The following COL24A1 variants were observed in gnomAD, a reference collection of about 807,000 sequenced individuals.
COL24A1 encodes the protein collagen type XXIV alpha 1 chain.
A neutral mutation model predicts 253.9 loss-of-function variants in COL24A1; 224 were observed. The ratio of observed to expected loss-of-function variants is 0.88; its 90% CI spans 0.79 to 0.99. The LOEUF (loss-of-function observed/expected upper bound fraction) is 0.99, where lower values mean the gene tolerates loss of function less well. COL24A1 is among the 50% of genes least tolerant of loss of function. The pLI, the probability that COL24A1 is intolerant of heterozygous loss-of-function variation, is 0.00. For synonymous variants in COL24A1, 685 were observed against 673.7 expected (o/e 1.02, Z -0.26); for missense variants, 2,131 against 2,068.5 (o/e 1.03, Z -0.59).
intron 34 of COL24A1, 38 bp downstream of exon 34, chr1:85,875,239 A>G: frequency 7.0e-6 from 11 of 1,582,524 alleles, no homozygotes; most frequent in Non-Finnish European, 9.5e-6. Flanking sequence ...TTCAATGGTG[A>G]AAGTTTAGAG....
chr1:86,043,452 T>A (rs1048470442), intron 12 of COL24A1, among the ~76,000 whole-genome samples: 1 of 151,868 alleles, frequency 6.6e-6, no homozygotes, highest in Non-Finnish European at 1.5e-5. Flanking sequence ...CTACTAATGA[T>A]AGTAAATGAA....
intron 7 of COL24A1, among the ~76,000 whole-genome samples, chr1:86,079,218 A>T (rs1353574253): frequency 6.6e-6 from 1 of 152,154 alleles, no homozygotes; most frequent in African/African-American, 2.4e-5. Flanking sequence ...GACACTCTTC[A>T]ATAAATTGTG....
intron 32 of COL24A1, 85 bp downstream of exon 32, chr1:85,889,475 A>G (rs1359122212): frequency 6.2e-6 from 7 of 1,134,764 alleles, no homozygotes; most frequent in Admixed American, 5.5e-5. Flanking sequence ...AAAACATACC[A>G]GTCACAGCAC....
At chr1:86,119,753 T>A (rs1252032578) in intron 3 of COL24A1, among the ~76,000 whole-genome samples, 1 of 152,182 alleles carries the variant, frequency 6.6e-6, no homozygotes, top group African/African-American at 2.4e-5. Context: ...GTTGCCTTTA[T>A]TTTAAAAATG....
At chr1:85,982,215 G>A (rs752291188) in intron 20 of COL24A1, among the ~76,000 whole-genome samples, 2 of 152,030 alleles carry the variant, frequency 1.3e-5, no homozygotes, top group Admixed American at 6.6e-5. Context: ...ATGTAAAGTA[G>A]CTAAACTCAT....
At chr1:86,081,612 G>C (rs1321832167) in intron 7 of COL24A1, among the ~76,000 whole-genome samples, 1 of 152,114 alleles carries the variant, frequency 6.6e-6, no homozygotes, top group Non-Finnish European at 1.5e-5. Context: ...CAACTTTACT[G>C]TCTGTACATG....
At chr1:85,904,422 C>T (rs983608168) in intron 28 of COL24A1, among the ~76,000 whole-genome samples, 2 of 152,068 alleles carry the variant, frequency 1.3e-5, no homozygotes, top group African/African-American at 2.4e-5. Context: ...TGATGTTGTG[C>T]TGATTTCTAG....
intron 24 of COL24A1, among the ~76,000 whole-genome samples, chr1:85,957,026 C>G (rs750528801): frequency 6.6e-6 from 1 of 152,130 alleles, no homozygotes. Context: ...CCACAGAATA[C>G]TATGCAGCCA....
intron 47 of COL24A1, among the ~76,000 whole-genome samples, chr1:85,813,750 A>C (rs1672804877): frequency 6.6e-6 from 1 of 150,742 alleles, no homozygotes; most frequent in Non-Finnish European, 1.5e-5. Context: ...ACGGGGTTTC[A>C]CCGTTTTAGC....
chr1:85,998,967 C>T (rs1695136490), intron 19 of COL24A1, among the ~76,000 whole-genome samples: 1 of 152,118 alleles, frequency 6.6e-6, no homozygotes. Flanking sequence ...GTGTCTTTTA[C>T]CAGAATCATT....
At chr1:85,906,965 T>A (rs758458462) in intron 28 of COL24A1, among the ~76,000 whole-genome samples, 1 of 151,866 alleles carries the variant, frequency 6.6e-6, no homozygotes, top group Non-Finnish European at 1.5e-5. Context: ...TATGAGTTAG[T>A]GATACATGTA....
rs180962443 is a variant in COL24A1 at position 86,061,849 on chromosome 1, C to T, written c.1752+1866G>A. Among the ~76,000 whole-genome samples, 781 of 152,144 alleles carry T rather than the reference C, an allele frequency of 5.1e-3. 3 individuals carry two copies. Among genetic ancestry groups the T allele is most frequent in the Non-Finnish European group, 9.2e-3 (624 of 67,916 alleles). ...TGGAGTAATAGAGATACAGTTATAT[C>T]AACAGCCCCTTGAGAAAACAGGAAC... is the stretch of plus-strand genomic sequence containing the variant. On this transcript the variant is annotated intron_variant, in intron 8 of 59. Coordinates refer to ENST00000370571, the MANE Select transcript of COL24A1 (RefSeq NM_152890.7).
intron 24 of COL24A1, among the ~76,000 whole-genome samples, chr1:85,926,738 G>A (rs552784188): frequency 2.6e-5 from 4 of 152,194 alleles, no homozygotes; most frequent in African/African-American, 9.6e-5. Flanking sequence ...AATGGGTGTA[G>A]CAAACCAACA....
chr1:86,011,203 T>C (rs952793894), intron 19 of COL24A1, among the ~76,000 whole-genome samples: 14 of 152,176 alleles, frequency 9.2e-5, no homozygotes, highest in Non-Finnish European at 2.1e-4. Context: ...ATATGAATTA[T>C]TTTTCTGCAC....
chr1:85,797,257 G>C (rs534624753), intron 47 of COL24A1, among the ~76,000 whole-genome samples: 50 of 144,064 alleles, frequency 3.5e-4, no homozygotes, highest in Non-Finnish European at 5.9e-4. Flanking sequence ...AATGTTTATT[G>C]ATCTTCTCCT....
chr1:86,032,444 C>A (rs1326808681), intron 13 of COL24A1, among the ~76,000 whole-genome samples: 1 of 151,956 alleles, frequency 6.6e-6, no homozygotes, highest in Non-Finnish European at 1.5e-5. Context: ...GTAAAGGCAC[C>A]ATAAAAATGT....
chr1:86,028,509 T>C (rs780477561), intron 14 of COL24A1, among the ~76,000 whole-genome samples: 3 of 152,220 alleles, frequency 2.0e-5, no homozygotes, highest in Non-Finnish European at 4.4e-5. Context: ...TGCTACCCTC[T>C]ACAGAAGGCA....
At chr1:85,912,688 C>T (rs1024597295) in intron 24 of COL24A1, among the ~76,000 whole-genome samples, 10 of 152,028 alleles carry the variant, frequency 6.6e-5, no homozygotes, top group Non-Finnish European at 1.0e-4. Context: ...ATCATCATTC[C>T]CCTTTGACAG....
Position 85,832,856 on chromosome 1 carries a change from A to G in COL24A1, c.3681+5729T>C, listed in dbSNP as rs538676347. ...GACAATGGGGTTTTCTAGATATACAATCATGTCATCTGCAAACAGGGACAA... is the reference window on the plus strand; with the variant it reads ...GACAATGGGGTTTTCTAGATATACAGTCATGTCATCTGCAAACAGGGACAA... On this transcript the variant is annotated intron_variant, in intron 43 of 59. Coordinates refer to ENST00000370571, the MANE Select transcript of COL24A1 (RefSeq NM_152890.7). Among the ~76,000 whole-genome samples, 555 of 150,714 alleles carry G rather than the reference A, an allele frequency of 3.7e-3. 6 individuals carry two copies. The highest frequency in any genetic ancestry group is 0.012 in the African/African-American group (495 of 40,340).
Sources: gnomAD v4.1 joint callset for allele counts (sites outside exome capture counted in the v4.1 genomes callset) on GRCh38, gnomAD v4.1.1 for gene constraint, MANE v1.5 for transcripts, NCBI Gene and HGNC (gene_info 2026-07-23, HGNC 2026-07-21) for gene names.